The following GPD2 variants were observed in gnomAD, a reference collection of about 807,000 sequenced individuals.
The protein encoded by GPD2 is glycerol-3-phosphate dehydrogenase, mitochondrial.
In GPD2, 54 loss-of-function variants were observed where a neutral mutation model predicts 82.4. The ratio of observed to expected loss-of-function variants is 0.66; its 90% CI spans 0.53 to 0.82. GPD2 has a LOEUF of 0.82. GPD2 is among the 40% of genes least tolerant of loss of function. GPD2 has a pLI of 0.00. For synonymous variants in GPD2, 288 were observed against 306.1 expected (o/e 0.94, Z 0.62); for missense variants, 748 against 896.2 (o/e 0.83, Z 2.11).
rs908908307 is a variant in GPD2, at chr2:156,584,726, T to C, written c.*1808T>C. 2 of 152,496 alleles carry C rather than the reference T, an allele frequency of 1.3e-5. No homozygotes were observed. Among genetic ancestry groups the C allele is most frequent in the Non-Finnish European group, 2.9e-5 (2 of 67,962 alleles). 9.4% of individuals were successfully genotyped at this position (152,496 alleles called of 1,614,324 possible). A position where few individuals can be genotyped will look rare whatever the true frequency, so the allele number is the denominator to read the frequency against. On this transcript the variant is annotated 3_prime_UTR_variant, in exon 17 of 17. Transcript: ENST00000438166. ...ATTTTTTTAAAGTAATTGAAGCTTGTGGCTTTACAACTTAGTGTTTTTTGC... is the reference window on the plus strand; with the variant it reads ...ATTTTTTTAAAGTAATTGAAGCTTGCGGCTTTACAACTTAGTGTTTTTTGC...
rs1170170128 is a variant in GPD2, at chr2:156,510,791, C to T, written c.275-5C>T. ...AGAAGTTAATTTGGTTTTCTGGTTA[C>T]ACAGGACTAAAAACAGCCCTTGTAG... On this transcript the variant is annotated splice_polypyrimidine_tract_variant and splice_region_variant and intron_variant, in intron 3 of 16. Coordinates refer to ENST00000438166, the MANE Select transcript of GPD2 (RefSeq NM_000408.5). The T allele has an allele frequency of 6.2e-7, 1 of 1,611,762 alleles. No individual in the cohort carries two copies. Among genetic ancestry groups the T allele is most frequent in the South Asian group, 1.1e-5 (1 of 91,024 alleles).
Position 156,568,940 on chromosome 2 carries a change from T to A in GPD2, c.1281T>A (p.Ser427Arg), listed in dbSNP as rs757675746. 6.2e-7 allele frequency: 1 copy of A among 1,609,388 alleles called. No individual in the cohort carries two copies. Among genetic ancestry groups the A allele is most frequent in the Non-Finnish European group, 8.5e-7 (1 of 1,176,172 alleles). The change falls in exon 10 of 17, where the codon AGT becomes AGA. Residue 427 changes from serine (S) to arginine (R), a missense_variant. Coordinates refer to ENST00000438166, the MANE Select transcript of GPD2 (RefSeq NM_000408.5). ...SRNHVVDISE[S>R]GLITIAGGKW... ...ATCATGTTGTTGATATCAGTGAGAG[T>A]GGCCTTATTACTATAGCAGGTATGA...
At chr2:156,421,779 T>C in the GPD2 span, among the ~76,000 whole-genome samples, 1 of 152,212 alleles carries the variant, frequency 6.6e-6, no homozygotes, top group Non-Finnish European at 1.5e-5. Context: ...TATCCTTCAA[T>C]ACCCAGCTCT....
At chr2:156,481,684 A>G (rs1189376942) in intron 2 of GPD2, among the ~76,000 whole-genome samples, 1 of 149,506 alleles carries the variant, frequency 6.7e-6, no homozygotes, top group Non-Finnish European at 1.5e-5. Flanking sequence ...GGGTCTTGCC[A>G]TGTTGCTCAG....
At chr2:156,470,325 AG>A (rs201432206) in intron 1 of GPD2, among the ~76,000 whole-genome samples, 2,604 of 152,108 alleles carry the variant, frequency 0.017, 30 homozygotes, top group Non-Finnish European at 0.024. Flanking sequence ...CCTCTTGAAT[AG>A]CTGAAACTAG....
intron 3 of GPD2, among the ~76,000 whole-genome samples, chr2:156,509,548 G>C (rs911541664): frequency 6.6e-6 from 1 of 151,992 alleles, no homozygotes; most frequent in Admixed American, 6.6e-5. Context: ...TGTATTCTTT[G>C]GGTCTTTTGG....
At chr2:156,547,003 A>T (rs914879740) in intron 6 of GPD2, among the ~76,000 whole-genome samples, 1 of 152,244 alleles carries the variant, frequency 6.6e-6, no homozygotes, top group African/African-American at 2.4e-5. Flanking sequence ...TAGAAAAAAA[A>T]CAAAGACAAA....
chr2:156,409,286 T>C, the GPD2 span, among the ~76,000 whole-genome samples: 1 of 152,242 alleles, frequency 6.6e-6, no homozygotes, highest in Non-Finnish European at 1.5e-5. Flanking sequence ...TAGGATACTA[T>C]AGTCTTACAT....
At chr2:156,533,792 C>T (rs565592199) in intron 6 of GPD2, among the ~76,000 whole-genome samples, 1 of 152,316 alleles carries the variant, frequency 6.6e-6, no homozygotes, top group East Asian at 1.9e-4. Context: ...GGGTGTGGCT[C>T]ATCTGTTCGG....
intron 1 of GPD2, among the ~76,000 whole-genome samples, chr2:156,459,686 C>CAAAAAAAAAAAAAAAAAAAAAAAAAAA: frequency 2.6e-5 from 1 of 38,778 alleles, no homozygotes; most frequent in East Asian, 1.5e-3. Context: ...GACTCCGTCT[C>CAAAAAAAAAAAAAAAAAAAAAAAAAAA]AAAAAAAAAA....
chr2:156,575,063 G>GA (rs1687767259), intron 13 of GPD2, among the ~76,000 whole-genome samples: 1 of 152,172 alleles, frequency 6.6e-6, no homozygotes, highest in Non-Finnish European at 1.5e-5. Context: ...TGCCAGTCCA[G>GA]AAAAATTATA....
intron 1 of GPD2, among the ~76,000 whole-genome samples, chr2:156,456,836 C>T (rs1293496951): frequency 3.3e-5 from 5 of 151,792 alleles, no homozygotes; most frequent in African/African-American, 7.3e-5. Context: ...AAGGAGATGG[C>T]GTAGCATGGG....
the GPD2 span, among the ~76,000 whole-genome samples, chr2:156,419,122 C>T: frequency 8.0e-6 from 1 of 125,636 alleles, no homozygotes; most frequent in Admixed American, 1.1e-4. Context: ...TGCAATGGTG[C>T]AATCTTGGCT....
chr2:156,497,096 C>T (rs1316716365), intron 3 of GPD2, among the ~76,000 whole-genome samples: 3 of 152,032 alleles, frequency 2.0e-5, no homozygotes, highest in African/African-American at 4.8e-5. Flanking sequence ...TGGGTATTAG[C>T]GTGGAATTTG....
the GPD2 span, among the ~76,000 whole-genome samples, chr2:156,422,383 G>T: frequency 6.6e-6 from 1 of 152,106 alleles, no homozygotes; most frequent in African/African-American, 2.4e-5. Flanking sequence ...GTCTTTGTAG[G>T]TTGTTGAATA....
At position 156,578,877 on chromosome 2, in the gene GPD2, T is replaced by C; in HGVS notation, c.1768-12T>C. 1 of 1,418,274 alleles carries C rather than the reference T, an allele frequency of 7.1e-7. No individual in the cohort carries two copies. Among genetic ancestry groups the C allele is most frequent in the Non-Finnish European group, 1.0e-6 (1 of 1,002,672 alleles). 87.9% of individuals were successfully genotyped at this position (1,418,274 alleles called of 1,614,324 possible). ...CATGTGTCTTTGAACTTTGTGTGTA[T>C]CTCTGTTTTAGGAACAACTTGAAAC... On this transcript the variant is annotated splice_polypyrimidine_tract_variant and intron_variant, in intron 13 of 16. Coordinates refer to ENST00000438166, the MANE Select transcript of GPD2 (RefSeq NM_000408.5).
intron 12 of GPD2, 124 bp downstream of exon 12, chr2:156,570,342 C>T: frequency 1.2e-6 from 1 of 812,856 alleles, no homozygotes; most frequent in African/African-American, 1.7e-5. Flanking sequence ...AAAACCAGGA[C>T]TACTATGTCT....
chr2:156,561,655 AT>A (rs1438108379), intron 9 of GPD2, among the ~76,000 whole-genome samples: 2 of 152,232 alleles, frequency 1.3e-5, no homozygotes, highest in African/African-American at 4.8e-5. Context: ...GATTTAAAAA[AT>A]AAAATTTCAT....
the GPD2 span, among the ~76,000 whole-genome samples, chr2:156,424,988 A>C: frequency 6.6e-6 from 1 of 152,236 alleles, no homozygotes; most frequent in Non-Finnish European, 1.5e-5. Context: ...TAACGCCAAT[A>C]TTAACACACT....
Sources: allele counts gnomAD v4.1 joint callset (sites outside exome capture counted in the v4.1 genomes callset), GRCh38; gene constraint gnomAD v4.1.1; transcripts MANE v1.5; gene names NCBI Gene and HGNC (gene_info 2026-07-23, HGNC 2026-07-21).